The following PROX1 variants were observed in gnomAD, a reference collection of about 807,000 sequenced individuals.
PROX1 encodes prospero homeobox 1.
PROX1 carries 7 observed loss-of-function variants against 58.8 expected under a neutral mutation model. The ratio of observed to expected loss-of-function variants is 0.12; its 90% CI spans 0.07 to 0.22. PROX1 has a LOEUF of 0.22. Ranked by LOEUF, PROX1 falls within the 10% of genes least tolerant of loss-of-function variation. PROX1 has a pLI of 1.00. For synonymous variants in PROX1, 350 were observed against 358.3 expected (o/e 0.98, Z 0.26); for missense variants, 675 against 927.8 (o/e 0.73, Z 3.54).
At chr1:214,033,196 T>G (rs1403397960) in intron 4 of PROX1, among the ~76,000 whole-genome samples, 3 of 152,228 alleles carry the variant, frequency 2.0e-5, no homozygotes, top group African/African-American at 7.2e-5. Context: ...CAAAGCTCTC[T>G]GCCATGTCAT....
In PROX1 at chr1:213,997,737, A is replaced by G. The variant is rs772250480; in HGVS notation, c.1202A>G (p.Asn401Ser). The change falls in exon 2 of 5, where the codon AAT (asparagine) becomes AGT (serine). Residue 401 changes from asparagine to serine, a missense_variant. By Grantham distance (46) the Asn-to-Ser change is conservative. Transcript: ENST00000366958. This position sits in a 1 kb window ranked among gnomAD's most constrained non-coding sequence, Gnocchi z 7.1. The stretch of plus-strand genomic sequence containing the variant: ...TTTGCAGTCAATGGGGAAAACCACA[A>G]TTTCCACACCGCCAACCAGCGCCTG... Reference protein sequence around the residue: ...ARFAVNGENHNFHTANQRLQC... With the variant: ...ARFAVNGENHSFHTANQRLQC... 1.2e-6 allele frequency: 2 copies of G among 1,614,014 alleles called. No individual in the cohort carries two copies. The highest frequency in any genetic ancestry group is 2.2e-5 in the East Asian group (1 of 44,856).
At chr1:214,007,653 T>C (rs1663762764) in intron 3 of PROX1, among the ~76,000 whole-genome samples, 1 of 152,236 alleles carries the variant, frequency 6.6e-6, no homozygotes, top group South Asian at 2.1e-4. Context: ...ATATTGACAA[T>C]GTATACACAC....
rs1318398430 is a variant in PROX1 at position 214,038,566 on chromosome 1, T to G, written c.*2732T>G. ...CATGTTGAAAAACCACACTACCACT[T>G]ATTTTCTGCTAACCCTAAATTATTT... is the stretch of plus-strand genomic sequence containing the variant. On this transcript the variant is annotated 3_prime_UTR_variant, in exon 5 of 5. Coordinates refer to ENST00000366958, the MANE Select transcript of PROX1 (RefSeq NM_001270616.2). 1 of 152,210 alleles carries G rather than the reference T, an allele frequency of 6.6e-6. No individual in the cohort carries two copies. Among genetic ancestry groups the G allele is most frequent in the Non-Finnish European group, 1.5e-5 (1 of 68,032 alleles). 9.4% of individuals were successfully genotyped at this position (152,210 alleles called of 1,614,324 possible).
At chr1:214,013,126 T>C (rs1298367650) in intron 4 of PROX1, among the ~76,000 whole-genome samples, 1 of 132,884 alleles carries the variant, frequency 7.5e-6, no homozygotes, top group African/African-American at 2.8e-5. Flanking sequence ...GTGTGATAAA[T>C]GAAGTTTGGG....
At chr1:214,010,797 T>C (rs1334407911) in intron 3 of PROX1, among the ~76,000 whole-genome samples, 1 of 152,226 alleles carries the variant, frequency 6.6e-6, no homozygotes, top group Non-Finnish European at 1.5e-5. Flanking sequence ...GCCATCTGTG[T>C]ACTGTGTCCT....
At chr1:213,995,911 A>G (rs1663245243) in intron 1 of PROX1, among the ~76,000 whole-genome samples, 1 of 152,212 alleles carries the variant, frequency 6.6e-6, no homozygotes, top group Non-Finnish European at 1.5e-5. Flanking sequence ...TTCCCATTTT[A>G]CATATGACAA....
In PROX1 at chr1:213,988,202, T is replaced by G. The variant is rs1005828076; in HGVS notation, c.-349T>G. 15 of 152,388 alleles carry G rather than the reference T, an allele frequency of 9.8e-5. No homozygotes were observed. The highest frequency in any genetic ancestry group is 3.6e-4 in the African/African-American group (15 of 41,316). 9.4% of individuals were successfully genotyped at this position (152,388 alleles called of 1,614,324 possible). A position where few individuals can be genotyped will look rare whatever the true frequency, so the allele number is the denominator to read the frequency against. ...CTCCTCTTCTTTTCTTCTCCTCTTC[T>G]TCCCTCTCCTCGCCTCTCCCCTGCT... is the stretch of plus-strand genomic sequence containing the variant. On this transcript the variant is annotated 5_prime_UTR_variant, in exon 1 of 5. Transcript: ENST00000366958.
At chr1:214,027,454 AC>A (rs1664499512) in intron 4 of PROX1, among the ~76,000 whole-genome samples, 1 of 152,148 alleles carries the variant, frequency 6.6e-6, no homozygotes, top group African/African-American at 2.4e-5. Context: ...AGACAATTTA[AC>A]CCCTTTCACC....
intron 4 of PROX1, among the ~76,000 whole-genome samples, chr1:214,025,221 T>C (rs761602869): frequency 1.3e-5 from 2 of 152,188 alleles, no homozygotes; most frequent in African/African-American, 2.4e-5. Context: ...CCCGTAGACA[T>C]AGGCAGCCTT....
At chr1:214,026,848 G>C (rs1301796883) in intron 4 of PROX1, among the ~76,000 whole-genome samples, 1 of 152,166 alleles carries the variant, frequency 6.6e-6, no homozygotes, top group Non-Finnish European at 1.5e-5. Flanking sequence ...CAGCTCCTGT[G>C]ATGCTTTTCC....
At chr1:214,000,036 TC>T (rs1663438419) in intron 2 of PROX1, among the ~76,000 whole-genome samples, 1 of 142,026 alleles carries the variant, frequency 7.0e-6, no homozygotes, top group African/African-American at 2.7e-5. Flanking sequence ...TGTCTCTCTC[TC>T]TCTCTTACAC....
upstream of PROX1, among the ~76,000 whole-genome samples, chr1:213,986,625 A>G (rs1662831876): frequency 6.6e-6 from 1 of 152,214 alleles, no homozygotes; most frequent in African/African-American, 2.4e-5. Context: ...TGATCTGATT[A>G]AATTTGAGGG....
rs79924304 is a variant in PROX1 at position 213,998,923 on chromosome 1, G to A, written c.1725+663G>A. On this transcript the variant is annotated intron_variant, in intron 2 of 4. Coordinates refer to ENST00000366958, the MANE Select transcript of PROX1 (RefSeq NM_001270616.2). ...GGTACTGATTTATTCAGACAGCATC[G>A]GTCTCTCTCCCGTTCACCCAAGGTC... Among the ~76,000 whole-genome samples, 590 of 151,990 alleles carry A rather than the reference G, an allele frequency of 3.9e-3. 3 individuals carry two copies. Among genetic ancestry groups the A allele is most frequent in the African/African-American group, 0.014 (561 of 41,444 alleles).
intron 1 of PROX1, among the ~76,000 whole-genome samples, chr1:213,990,656 T>G (rs1053802727): frequency 9.4e-6 from 1 of 106,358 alleles, no homozygotes; most frequent in Non-Finnish European, 2.0e-5. Context: ...GAGAGAGAAC[T>G]GTCGTGTGTG....
rs143422174 is a variant in PROX1, at chr1:213,994,456, T to G, written c.-67-2013T>G. On this transcript the variant is annotated intron_variant, in intron 1 of 4. Transcript: ENST00000366958. Reference sequence around the variant, plus strand: ...AACCGCCCCCCATGCAAGTGTTTCTTTGATTAACAGAGCTTTGAAATGATT... The same window carrying G: ...AACCGCCCCCCATGCAAGTGTTTCTGTGATTAACAGAGCTTTGAAATGATT... 9.0e-4 allele frequency among the ~76,000 whole-genome samples: 137 copies of G among 152,152 alleles called. 1 individual carries two copies. The highest frequency in any genetic ancestry group is 3.3e-3 in the African/African-American group (135 of 41,524).
At position 213,997,478 on chromosome 1, in the gene PROX1, A is replaced by G; in HGVS notation, c.943A>G (p.Ile315Val). The change falls in exon 2 of 5, where the codon ATC (isoleucine) becomes GTC (valine). Residue 315 changes from isoleucine (I) to valine (V), a missense_variant. By Grantham distance (29) the Ile-to-Val change is conservative. Around this residue, in one of 8 missense-constraint regions of PROX1, gnomAD observed 403 missense variants for 477.4 expected, o/e 0.84. Coordinates refer to ENST00000366958, the MANE Select transcript of PROX1 (RefSeq NM_001270616.2). The surrounding 1 kb of genome is among the most constrained non-coding windows in gnomAD (Gnocchi z 7.1). Reference sequence around the variant, plus strand: ...GTTTATTGACCGAGCTCGAGCCCTGATCAGAGAGCAGGAAATGGCTGAAAA... The same window carrying G: ...GTTTATTGACCGAGCTCGAGCCCTGGTCAGAGAGCAGGAAATGGCTGAAAA... Reference protein sequence around the residue: ...GQFIDRARALIREQEMAENKP... With the variant: ...GQFIDRARALVREQEMAENKP... 6.2e-7 allele frequency: 1 copy of G among 1,614,126 alleles called. No individual in the cohort carries two copies. Among genetic ancestry groups the G allele is most frequent in the Non-Finnish European group, 8.5e-7 (1 of 1,180,020 alleles).
At chr1:213,993,917 A>G (rs1277741151) in intron 1 of PROX1, among the ~76,000 whole-genome samples, 1 of 152,214 alleles carries the variant, frequency 6.6e-6, no homozygotes. Context: ...CTGAAATAGA[A>G]TTACAAAATT....
intron 2 of PROX1, among the ~76,000 whole-genome samples, chr1:213,999,998 C>A (rs992369250): frequency 3.3e-5 from 5 of 151,952 alleles, no homozygotes; most frequent in Non-Finnish European, 7.4e-5. Context: ...TCATTTTGAA[C>A]CAGGTAGTTG....
intron 4 of PROX1, among the ~76,000 whole-genome samples, chr1:214,033,502 G>C (rs1411509224): frequency 6.6e-6 from 1 of 152,192 alleles, no homozygotes; most frequent in Non-Finnish European, 1.5e-5. Flanking sequence ...GGAGGCTAAG[G>C]CAGGAGAGTC....
Sources: allele counts gnomAD v4.1 joint callset (sites outside exome capture counted in the v4.1 genomes callset), GRCh38; gene constraint gnomAD v4.1.1; regional missense constraint gnomAD v4.1.1; non-coding constraint Gnocchi (gnomAD v3.1); transcripts MANE v1.5; gene names NCBI Gene and HGNC (gene_info 2026-07-23, HGNC 2026-07-21).